ZSWIM6: variants seen among roughly 807,000 people sequenced by gnomAD.
The protein encoded by ZSWIM6 is zinc finger SWIM domain-containing protein 6.
Under a neutral mutation model 113.2 loss-of-function variants are expected in ZSWIM6, and 9 were observed. The observed-to-expected ratio is 0.08, with a 90% CI of 0.05 to 0.14. The LOEUF (loss-of-function observed/expected upper bound fraction) is 0.14, where lower values mean the gene tolerates loss of function less well. ZSWIM6 is among the 10% of genes least tolerant of loss of function. ZSWIM6 has a pLI of 1.00. For synonymous variants in ZSWIM6, 611 were observed against 606.5 expected, an observed-to-expected ratio of 1.01 and a Z score of -0.11; for missense variants, 1,162 against 1,552.2, an observed-to-expected ratio of 0.75 and a Z score of 4.22.
intron 2 of ZSWIM6, among the ~76,000 whole-genome samples, chr5:61,487,141 A>C (rs1428433454): frequency 6.6e-6 from 1 of 152,110 alleles, no homozygotes; most frequent in Non-Finnish European, 1.5e-5. Context: ...CCATTTATTG[A>C]AAAGGGCATC....
At chr5:61,377,084 G>T (rs968430070) in intron 1 of ZSWIM6, among the ~76,000 whole-genome samples, 12 of 151,994 alleles carry the variant, frequency 7.9e-5, no homozygotes, top group African/African-American at 2.9e-4. Context: ...GTGTGATGAA[G>T]GCACATGTAT....
At chr5:61,339,738 A>G (rs1371178751) in intron 1 of ZSWIM6, among the ~76,000 whole-genome samples, 1 of 152,204 alleles carries the variant, frequency 6.6e-6, no homozygotes, top group Non-Finnish European at 1.5e-5. Flanking sequence ...ACAGTATGAA[A>G]CCCACAAAAC....
chr5:61,365,055 A>G (rs189850430), intron 1 of ZSWIM6, among the ~76,000 whole-genome samples: 127 of 152,250 alleles, frequency 8.3e-4, no homozygotes, highest in Non-Finnish European at 1.5e-3. Flanking sequence ...CCTTTTTGAA[A>G]TGTGACACAT....
chr5:61,413,338 T>A (rs940751729), intron 1 of ZSWIM6, among the ~76,000 whole-genome samples: 2 of 152,018 alleles, frequency 1.3e-5, no homozygotes, highest in Admixed American at 1.3e-4. Flanking sequence ...CATGTCCCTA[T>A]AAAGGACATG....
chr5:61,510,513 T>C (rs1195697054), intron 4 of ZSWIM6, among the ~76,000 whole-genome samples: 2 of 151,832 alleles, frequency 1.3e-5, no homozygotes, highest in South Asian at 2.1e-4. Context: ...TTTTTTTTTT[T>C]CTTCCCTGGG....
chr5:61,482,070 T>C (rs1747880424), intron 2 of ZSWIM6, among the ~76,000 whole-genome samples: 2 of 152,360 alleles, frequency 1.3e-5, no homozygotes, highest in South Asian at 4.1e-4. Flanking sequence ...ACATGAGTTA[T>C]GTTTCTTTTT....
chr5:61,372,022 T>G (rs4128291), intron 1 of ZSWIM6, among the ~76,000 whole-genome samples: 25,732 of 152,130 alleles, frequency 0.17, 2,479 homozygotes, highest in African/African-American at 0.25. Context: ...ATTTTTTTTT[T>G]TTGTTGATTT....
Position 61,490,844 on chromosome 5 carries a change from T to C in ZSWIM6, c.1092T>C (p.Asp364=), listed in dbSNP as rs1045837280. ...ATGATGAAAACTGCTGGCACTTAGA[T>C]GAAGAGCAGGTTCAAGAACAGGTTA... ...SIDDENCWHL[D]EEQVQEQVKL... Residue 364 remains aspartate (D), a synonymous_variant, in exon 3 of 14, where the codon GAT becomes GAC. Coordinates refer to ENST00000252744, the MANE Select transcript of ZSWIM6 (RefSeq NM_020928.2). The C allele has an allele frequency of 4.5e-6, 7 of 1,548,444 alleles. No homozygotes were observed. The African/African-American group carries it at 9.6e-5, about 21-fold the overall frequency.
At chr5:61,443,861 A>C (rs984074519) in intron 1 of ZSWIM6, among the ~76,000 whole-genome samples, 15 of 152,316 alleles carry the variant, frequency 9.8e-5, no homozygotes, top group Middle Eastern at 3.4e-3. Flanking sequence ...TTACCTTTGC[A>C]TGGTACATTA....
rs200632255 is a variant in ZSWIM6 at position 61,395,416 on chromosome 5, A to AT, written c.676+62475dup. ...AAAAAAGGCCATTTGCTGTGCATTGATTTTTTTCCCCCCATTCATACCTGT... is the reference window on the plus strand; with the variant it reads ...AAAAAAGGCCATTTGCTGTGCATTGATTTTTTTTCCCCCCATTCATACCTGT... On this transcript the variant is annotated intron_variant, in intron 1 of 13. Coordinates refer to ENST00000252744, the MANE Select transcript of ZSWIM6 (RefSeq NM_020928.2). Among the ~76,000 whole-genome samples, 1,000 of 152,112 alleles carry AT rather than the reference A, an allele frequency of 6.6e-3. 9 individuals carry two copies. The highest frequency in any genetic ancestry group is 0.02 in the African/African-American group (840 of 41,494).
chr5:61,460,161 G>A (rs1386713820), intron 1 of ZSWIM6, among the ~76,000 whole-genome samples: 4 of 152,116 alleles, frequency 2.6e-5, no homozygotes, highest in Admixed American at 6.5e-5. Flanking sequence ...GGCATCTCCA[G>A]CCTTTCAGCC....
chr5:61,536,489 A>T (rs1250546889), intron 10 of ZSWIM6, among the ~76,000 whole-genome samples: 1 of 152,250 alleles, frequency 6.6e-6, no homozygotes, highest in Non-Finnish European at 1.5e-5. Context: ...AGATCACCTA[A>T]GGACAAGCCA....
At chr5:61,466,994 G>T (rs1747450252) in intron 1 of ZSWIM6, among the ~76,000 whole-genome samples, 1 of 152,142 alleles carries the variant, frequency 6.6e-6, no homozygotes, top group African/African-American at 2.4e-5. Context: ...CATGTGTGAG[G>T]ACTTTGCCCC....
At chr5:61,506,915 T>G (rs1401982779) in intron 4 of ZSWIM6, among the ~76,000 whole-genome samples, 2 of 152,214 alleles carry the variant, frequency 1.3e-5, no homozygotes, top group Non-Finnish European at 2.9e-5. Context: ...CAAAAGTGAT[T>G]GTTTTACTTT....
intron 1 of ZSWIM6, among the ~76,000 whole-genome samples, chr5:61,377,149 A>G (rs966132090): frequency 6.6e-6 from 1 of 152,240 alleles, no homozygotes; most frequent in Non-Finnish European, 1.5e-5. Flanking sequence ...ACTGCAGAAC[A>G]CACAGAACAT....
intron 2 of ZSWIM6, among the ~76,000 whole-genome samples, chr5:61,489,440 G>T (rs1748121477): frequency 6.6e-6 from 1 of 151,866 alleles, no homozygotes; most frequent in Admixed American, 6.6e-5. Flanking sequence ...TTAGTGGGTG[G>T]CCACCTGTTA....
chr5:61,457,703 A>G (rs1580006163), intron 1 of ZSWIM6, among the ~76,000 whole-genome samples: 1 of 151,862 alleles, frequency 6.6e-6, no homozygotes, highest in East Asian at 1.9e-4. Flanking sequence ...TTGTATTTTT[A>G]GTAGAGATGG....
rs145932629 is a variant in ZSWIM6 at position 61,423,768 on chromosome 5, A to G, written c.677-48913A>G. 6.5e-3 allele frequency among the ~76,000 whole-genome samples: 993 copies of G among 152,340 alleles called. 6 individuals are homozygous for G. Among genetic ancestry groups the G allele is most frequent in the African/African-American group, 0.022 (912 of 41,570 alleles). On this transcript the variant is annotated intron_variant, in intron 1 of 13. Transcript: ENST00000252744. ...CTGCCCAGAATCATAAAATGAAAGC[A>G]AGAATATTGGAAGCCAAAAAGACTT...
chr5:61,335,143 ACTTT>A (rs1744366655), intron 1 of ZSWIM6, among the ~76,000 whole-genome samples: 1 of 152,236 alleles, frequency 6.6e-6, no homozygotes, highest in African/African-American at 2.4e-5. Flanking sequence ...GAAAATAGTA[ACTTT>A]TTGAATAGTC....
Sources: gnomAD v4.1 joint callset for allele counts (sites outside exome capture counted in the v4.1 genomes callset) on GRCh38, gnomAD v4.1.1 for gene constraint, MANE v1.5 for transcripts, NCBI Gene and HGNC (gene_info 2026-07-23, HGNC 2026-07-21) for gene names.